Variants in GNG2 observed in about 807,000 individuals in gnomAD.
GNG2 encodes the protein G protein subunit gamma 2.
In GNG2, 5 loss-of-function variants were observed where a neutral mutation model predicts 5.5. The observed-to-expected ratio is 0.91, with a 90% CI of 0.48 to 1.92. GNG2 has a LOEUF of 1.92. Among genes scored for constraint, GNG2 ranks in the 30% most tolerant of loss-of-function variants. GNG2 has a pLI of 0.01. For synonymous variants in GNG2, 28 were observed against 32.0 expected (o/e 0.88, Z 0.42); for missense variants, 55 against 88.4 (o/e 0.62, Z 1.52).
At chr14:51,941,377 G>A (rs957720402) in intron 2 of GNG2, among the ~76,000 whole-genome samples, 2 of 152,150 alleles carry the variant, frequency 1.3e-5, no homozygotes, top group African/African-American at 4.8e-5. Flanking sequence ...TTAAGTGACT[G>A]AGAGACTATA....
intron 2 of GNG2, among the ~76,000 whole-genome samples, chr14:51,849,669 C>T (rs2140085501): frequency 6.6e-6 from 1 of 152,290 alleles, no homozygotes; most frequent in South Asian, 2.1e-4. Context: ...TTTATTTTTG[C>T]ATTCCCTCAC....
chr14:51,922,138 T>C (rs1693193), intron 2 of GNG2, among the ~76,000 whole-genome samples: 3 of 152,182 alleles, frequency 2.0e-5, no homozygotes, highest in Non-Finnish European at 4.4e-5. Context: ...TTCTGACAGC[T>C]AAAACTCTGA....
At chr14:51,829,142 T>G (rs936759042) in intron 2 of GNG2, among the ~76,000 whole-genome samples, 1 of 152,174 alleles carries the variant, frequency 6.6e-6, no homozygotes, top group Non-Finnish European at 1.5e-5. Flanking sequence ...GCCAAATAGC[T>G]GCATCCTCCT....
intron 2 of GNG2, among the ~76,000 whole-genome samples, chr14:51,937,848 T>C (rs114699091): frequency 0.011 from 1,642 of 152,288 alleles, 26 homozygotes; most frequent in African/African-American, 0.038. Flanking sequence ...AGGAGACAGG[T>C]GCTCTGCTGA....
At chr14:51,887,199 C>T (rs565975460) in intron 2 of GNG2, among the ~76,000 whole-genome samples, 1 of 151,822 alleles carries the variant, frequency 6.6e-6, no homozygotes, top group South Asian at 2.1e-4. Context: ...GGATGTCAAC[C>T]TCAACTTACG....
chr14:51,959,473 A>C (rs1440830073), intron 3 of GNG2, among the ~76,000 whole-genome samples: 2 of 152,108 alleles, frequency 1.3e-5, no homozygotes, highest in African/African-American at 4.8e-5. Flanking sequence ...CCATTAGAAA[A>C]TCCTGGTGAT....
chr14:51,931,715 G>C (rs1462203085), intron 2 of GNG2, among the ~76,000 whole-genome samples: 3 of 152,184 alleles, frequency 2.0e-5, no homozygotes, highest in African/African-American at 7.2e-5. Flanking sequence ...TGAGGATGTA[G>C]ATAAATTGGA....
chr14:51,946,092 T>G (rs779692108), intron 2 of GNG2, among the ~76,000 whole-genome samples: 1 of 152,212 alleles, frequency 6.6e-6, no homozygotes, highest in Non-Finnish European at 1.5e-5. Flanking sequence ...TAGAACAGCA[T>G]GCATTTAACG....
chr14:51,966,728 C>T lies in GNG2; in HGVS notation c.*41C>T. The T allele has an allele frequency of 6.3e-7, 1 of 1,590,370 alleles. No individual in the cohort carries two copies. Among genetic ancestry groups the T allele is most frequent in the Non-Finnish European group, 8.6e-7 (1 of 1,158,994 alleles). The stretch of plus-strand genomic sequence containing the variant: ...CTGAAGAGCCTCCGGGCTCCTGGGA[C>T]ATTGATGTAGAGTTTTTAGTGAAGT... On this transcript the variant is annotated 3_prime_UTR_variant, in exon 4 of 4. Coordinates refer to ENST00000556766, the MANE Select transcript of GNG2 (RefSeq NM_053064.5).
intron 2 of GNG2, among the ~76,000 whole-genome samples, chr14:51,903,105 T>A (rs1283842850): frequency 1.3e-5 from 2 of 152,208 alleles, no homozygotes; most frequent in Non-Finnish European, 2.9e-5. Context: ...TAAAATTGTT[T>A]ACAGTAGAGC....
intron 2 of GNG2, among the ~76,000 whole-genome samples, chr14:51,924,264 A>G (rs1171635544): frequency 1.3e-5 from 2 of 152,228 alleles, no homozygotes; most frequent in Admixed American, 6.5e-5. Context: ...CAGAATAGCT[A>G]TGAAGTCAAA....
At chr14:51,897,513 C>T (rs774635692) in intron 2 of GNG2, among the ~76,000 whole-genome samples, 7 of 152,124 alleles carry the variant, frequency 4.6e-5, no homozygotes, top group African/African-American at 1.7e-4. Flanking sequence ...ACCAAATTTC[C>T]AGTTGAACTG....
At position 51,827,697 on chromosome 14, in the gene GNG2, G is replaced by A. The variant is rs1881065598; in HGVS notation, c.-47G>A. The A allele has an allele frequency of 4.3e-6, 3 of 702,134 alleles. No homozygotes were observed. The Admixed American group carries it at 6.0e-5, about 14-fold the overall frequency. 43.5% of individuals were successfully genotyped at this position (702,134 alleles called of 1,614,324 possible). On this transcript the variant is annotated 5_prime_UTR_variant, in exon 2 of 4. Coordinates refer to the GNG2 transcript ENST00000553432. ...ACACGCAGTGGAAAAGCAGCACCGTGGAGCTGGGTGATTCCTGAGCCCAAC... is the reference window on the plus strand; with the variant it reads ...ACACGCAGTGGAAAAGCAGCACCGTAGAGCTGGGTGATTCCTGAGCCCAAC...
At chr14:51,930,576 T>C (rs187436313) in intron 2 of GNG2, among the ~76,000 whole-genome samples, 1 of 152,292 alleles carries the variant, frequency 6.6e-6, no homozygotes, top group African/African-American at 2.4e-5. Flanking sequence ...CTTAGAAGTG[T>C]CTCTCCAAAA....
intron 2 of GNG2, among the ~76,000 whole-genome samples, chr14:51,948,958 A>G (rs1215204206): frequency 6.6e-6 from 1 of 152,046 alleles, no homozygotes; most frequent in Non-Finnish European, 1.5e-5. Flanking sequence ...CGTCTCTATT[A>G]AAAATACAAA....
intron 2 of GNG2, among the ~76,000 whole-genome samples, chr14:51,890,647 A>G (rs1884785440): frequency 6.6e-6 from 1 of 152,236 alleles, no homozygotes; most frequent in Admixed American, 6.5e-5. Flanking sequence ...TATGGCTCTC[A>G]GCAATATTCC....
At chr14:51,966,235 A>AAAAAT (rs1889904910) in intron 3 of GNG2, among the ~76,000 whole-genome samples, 2 of 149,594 alleles carry the variant, frequency 1.3e-5, no homozygotes, top group Non-Finnish European at 3.0e-5. Context: ...AAAAAAAAAA[A>AAAAAT]AACAAATGAA....
intron 2 of GNG2, among the ~76,000 whole-genome samples, chr14:51,944,457 C>T (rs1241972849): frequency 6.6e-6 from 1 of 152,110 alleles, no homozygotes; most frequent in Non-Finnish European, 1.5e-5. Flanking sequence ...TAATTACTTC[C>T]CAAGGGCTCC....
intron 3 of GNG2, among the ~76,000 whole-genome samples, chr14:51,953,578 T>C (rs1157454770): frequency 6.6e-6 from 1 of 152,202 alleles, no homozygotes; most frequent in African/African-American, 2.4e-5. Flanking sequence ...TGAATCCCAC[T>C]TGATGTCATT....
Sources: allele counts gnomAD v4.1 joint callset (sites outside exome capture counted in the v4.1 genomes callset), GRCh38; gene constraint gnomAD v4.1.1; transcripts MANE v1.5; gene names NCBI Gene and HGNC (gene_info 2026-07-23, HGNC 2026-07-21).